ANO3: variants seen among roughly 807,000 people sequenced by gnomAD.
ANO3 encodes the protein anoctamin-3.
ANO3 carries 99 observed loss-of-function variants against 144.8 expected under a neutral mutation model. The observed-to-expected ratio is 0.68, with a 90% CI of 0.58 to 0.81. ANO3 has a LOEUF of 0.81. ANO3 is among the 30% of genes least tolerant of loss of function. ANO3 has a pLI of 0.00. For missense variants in ANO3, 905 were observed against 1,202.2 expected (o/e 0.75, Z 3.66); for synonymous variants, 414 against 392.6 (o/e 1.05, Z -0.64).
intron 1 of ANO3, among the ~76,000 whole-genome samples, chr11:26,223,336 T>G (rs968800073): frequency 6.6e-6 from 1 of 152,124 alleles, no homozygotes; most frequent in Non-Finnish European, 1.5e-5. Context: ...AGTTCCCAAA[T>G]AAATTACTCA....
At chr11:26,363,661 T>C (rs1855985687) in intron 1 of ANO3, among the ~76,000 whole-genome samples, 1 of 152,136 alleles carries the variant, frequency 6.6e-6, no homozygotes, top group Admixed American at 6.5e-5. Context: ...CACAACTCAG[T>C]CAATAACAGA....
intron 3 of ANO3, chr11:26,459,948 T>C (rs2134052705): frequency 3.5e-6 from 1 of 289,160 alleles, no homozygotes; most frequent in South Asian, 3.0e-5. Context: ...TTCTTTTAGA[T>C]TATAATTTTA....
intron 4 of ANO3, among the ~76,000 whole-genome samples, chr11:26,470,811 C>A (rs1859754004): frequency 6.6e-6 from 1 of 151,828 alleles, no homozygotes; most frequent in South Asian, 2.1e-4. Context: ...TAGATTTAAG[C>A]CATAAATATT....
chr11:26,319,917 C>T (rs1039077592), intron 1 of ANO3, among the ~76,000 whole-genome samples: 4 of 151,528 alleles, frequency 2.6e-5, no homozygotes, highest in Non-Finnish European at 5.9e-5. Flanking sequence ...AGAAGAAGGT[C>T]TTTATTTTAG....
intron 1 of ANO3, among the ~76,000 whole-genome samples, chr11:26,263,343 T>C (rs961819118): frequency 1.3e-5 from 2 of 152,200 alleles, no homozygotes; most frequent in Non-Finnish European, 2.9e-5. Flanking sequence ...TTTACCTTCC[T>C]CTTTCTCTGT....
At chr11:26,228,502 T>C (rs1852304265) in intron 1 of ANO3, among the ~76,000 whole-genome samples, 1 of 152,262 alleles carries the variant, frequency 6.6e-6, no homozygotes, top group Non-Finnish European at 1.5e-5. Context: ...ATGTAATTCC[T>C]GAGACACAGA....
chr11:26,311,040 A>C (rs992836586), intron 1 of ANO3, among the ~76,000 whole-genome samples: 3 of 152,186 alleles, frequency 2.0e-5, no homozygotes, highest in Non-Finnish European at 4.4e-5. Flanking sequence ...TCATTATCAG[A>C]AGTTTCTTCA....
chr11:26,447,136 G>A (rs1858729429), intron 3 of ANO3, among the ~76,000 whole-genome samples: 1 of 138,604 alleles, frequency 7.2e-6, no homozygotes, highest in Admixed American at 8.0e-5. Flanking sequence ...GAGCCCAGGA[G>A]TTGGAGGCTA....
chr11:26,558,225 CT>C (rs1422385335), intron 13 of ANO3, among the ~76,000 whole-genome samples: 1 of 152,052 alleles, frequency 6.6e-6, no homozygotes. Context: ...CTAAGGATGG[CT>C]TTTTATTTGC....
rs542154023 is a variant in ANO3 at position 26,481,958 on chromosome 11, T to C, written c.432+18810T>C. Among the ~76,000 whole-genome samples, 7 of 152,256 alleles carry C rather than the reference T, an allele frequency of 4.6e-5. No homozygotes were observed. The South Asian group carries it at 1.5e-3, about 32-fold the overall frequency. On this transcript the variant is annotated intron_variant, in intron 4 of 26. Coordinates refer to ENST00000256737, the MANE Select transcript of ANO3 (RefSeq NM_031418.4). ...CCTATACTGGAGTGCCGTGGTGAAA[T>C]CATGGCTCACTGCAGCCTCGAAGTC...
intron 1 of ANO3, among the ~76,000 whole-genome samples, chr11:26,334,086 G>T (rs1855132470): frequency 6.6e-6 from 1 of 152,186 alleles, no homozygotes; most frequent in African/African-American, 2.4e-5. Context: ...AGGTCCGACC[G>T]TCATTGCTCA....
chr11:26,530,119 G>T (rs1240838032), intron 7 of ANO3, among the ~76,000 whole-genome samples: 1 of 152,146 alleles, frequency 6.6e-6, no homozygotes, highest in Non-Finnish European at 1.5e-5. Context: ...GTCCTGCAAA[G>T]GCTTTTTGCC....
intron 1 of ANO3, among the ~76,000 whole-genome samples, chr11:26,325,080 T>C (rs903225942): frequency 6.6e-6 from 1 of 152,148 alleles, no homozygotes; most frequent in African/African-American, 2.4e-5. Flanking sequence ...CAAACCCTTG[T>C]TTTTATTGTG....
chr11:26,286,877 T>G (rs1853819841), intron 1 of ANO3, among the ~76,000 whole-genome samples: 1 of 152,234 alleles, frequency 6.6e-6, no homozygotes, highest in South Asian at 2.1e-4. Flanking sequence ...TCGTTAGCTT[T>G]GCACCAGAAC....
chr11:26,444,670 A>C (rs1293338455), intron 3 of ANO3, among the ~76,000 whole-genome samples: 1 of 152,210 alleles, frequency 6.6e-6, no homozygotes, highest in African/African-American at 2.4e-5. Flanking sequence ...CCCAGTAAAC[A>C]TTTAATATGG....
At chr11:26,306,340 A>G (rs1854383706), upstream of ANO3, among the ~76,000 whole-genome samples, 1 of 150,596 alleles carries the variant, frequency 6.6e-6, no homozygotes, top group Non-Finnish European at 1.5e-5. Context: ...CCTTTGCATA[A>G]TATCCCAATC....
At chr11:26,381,397 C>A (rs1856585844) in intron 1 of ANO3, among the ~76,000 whole-genome samples, 1 of 152,196 alleles carries the variant, frequency 6.6e-6, no homozygotes, top group African/African-American at 2.4e-5. Context: ...AGCTACTCAT[C>A]ATCAGTTAGG....
intron 17 of ANO3, among the ~76,000 whole-genome samples, chr11:26,614,230 G>C (rs1852184152): frequency 6.6e-6 from 1 of 152,234 alleles, no homozygotes; most frequent in Non-Finnish European, 1.5e-5. Flanking sequence ...GCACTCACAG[G>C]GTTGGCAGAC....
intron 1 of ANO3, among the ~76,000 whole-genome samples, chr11:26,423,469 G>A (rs1857818074): frequency 6.6e-6 from 1 of 151,336 alleles, no homozygotes; most frequent in Admixed American, 6.6e-5. Flanking sequence ...ATAAACATTA[G>A]TCTTGAAAAA....
Sources: gnomAD v4.1 joint callset for allele counts (sites outside exome capture counted in the v4.1 genomes callset) on GRCh38, gnomAD v4.1.1 for gene constraint, MANE v1.5 for transcripts, NCBI Gene and HGNC (gene_info 2026-07-23, HGNC 2026-07-21) for gene names.